SLIT3: variants seen among roughly 807,000 people sequenced by gnomAD.
SLIT3 encodes the protein slit guidance ligand 3, also known as slit homolog 3 protein.
Under a neutral mutation model 184.0 loss-of-function variants are expected in SLIT3, and 68 were observed. The observed-to-expected ratio is 0.37, with a 90% CI of 0.30 to 0.45. The LOEUF is 0.45. Ranked by LOEUF, SLIT3 falls within the 20% of genes least tolerant of loss-of-function variation. The pLI, the probability that SLIT3 is intolerant of heterozygous loss-of-function variation, is 1.00. For missense variants in SLIT3, 1,707 were observed against 2,026.0 expected, an observed-to-expected ratio of 0.84 and a Z score of 3.02; for synonymous variants, 831 against 828.6, an observed-to-expected ratio of 1.00 and a Z score of -0.05.
At chr5:169,169,155 C>T (rs146891858) in intron 4 of SLIT3, among the ~76,000 whole-genome samples, 68 of 152,310 alleles carry the variant, frequency 4.5e-4, no homozygotes, top group Admixed American at 1.2e-3. Context: ...AGCATGAGTT[C>T]CATGGGAGTG....
At chr5:169,224,198 C>T (rs779927432) in intron 3 of SLIT3, among the ~76,000 whole-genome samples, 4 of 151,734 alleles carry the variant, frequency 2.6e-5, no homozygotes, top group Non-Finnish European at 2.9e-5. Context: ...CATAGAGTAA[C>T]GGTAAGAATT....
intron 4 of SLIT3, among the ~76,000 whole-genome samples, chr5:169,060,046 C>T (rs1390268610): frequency 1.3e-5 from 2 of 152,248 alleles, no homozygotes; most frequent in East Asian, 1.9e-4. Flanking sequence ...TGGCCCTCCC[C>T]AGAACCTGAC....
intron 14 of SLIT3, among the ~76,000 whole-genome samples, chr5:168,764,880 C>T (rs1755285337): frequency 6.6e-6 from 1 of 152,196 alleles, no homozygotes; most frequent in Admixed American, 6.5e-5. Flanking sequence ...CTTTTGGTAA[C>T]TCTGACCTGC....
chr5:169,147,920 C>T (rs2113360886), intron 4 of SLIT3, among the ~76,000 whole-genome samples: 1 of 152,334 alleles, frequency 6.6e-6, no homozygotes, highest in African/African-American at 2.4e-5. Flanking sequence ...TTCTCTCTGC[C>T]CCCTCCTTGG....
chr5:168,748,528 G>A (rs1167996994), intron 19 of SLIT3, 94 bp from the exon 20 acceptor site: 3 of 1,235,354 alleles, frequency 2.4e-6, no homozygotes, highest in Non-Finnish European at 3.2e-6. Context: ...ACAAAGACAA[G>A]TTGTCCCCTG....
intron 3 of SLIT3, among the ~76,000 whole-genome samples, chr5:169,231,485 G>A (rs570971131): frequency 9.2e-5 from 14 of 152,120 alleles, no homozygotes; most frequent in African/African-American, 2.7e-4. Flanking sequence ...TCCGGTTTTT[G>A]TCCCCGATTA....
intron 3 of SLIT3, among the ~76,000 whole-genome samples, chr5:169,232,921 C>T (rs1356102621): frequency 1.3e-5 from 2 of 152,208 alleles, no homozygotes; most frequent in Admixed American, 1.3e-4. Flanking sequence ...ATGCAGCACT[C>T]CATATATTTG....
chr5:169,155,691 G>C (rs1022695112), intron 4 of SLIT3, among the ~76,000 whole-genome samples: 1 of 152,228 alleles, frequency 6.6e-6, no homozygotes, highest in Non-Finnish European at 1.5e-5. Flanking sequence ...TTTGAAGTAA[G>C]AGTTTGCAGG....
intron 8 of SLIT3, among the ~76,000 whole-genome samples, chr5:168,807,584 A>G (rs1039863455): frequency 9.2e-5 from 14 of 152,152 alleles, no homozygotes; most frequent in Admixed American, 3.3e-4. Context: ...AACAGGGGTT[A>G]TTTCAATGTC....
chr5:169,149,875 T>C (rs6866129), intron 4 of SLIT3, among the ~76,000 whole-genome samples: 32,330 of 152,162 alleles, frequency 0.21, 3,538 homozygotes, highest in South Asian at 0.32. Context: ...GATGAGACCC[T>C]CTACTTTTGT....
chr5:168,688,859 A>G (rs898401), intron 29 of SLIT3, among the ~76,000 whole-genome samples: 48,354 of 152,080 alleles, frequency 0.32, 8,591 homozygotes, highest in African/African-American at 0.47. Flanking sequence ...TAGTTGCAGA[A>G]CAACTTAAGC....
At chr5:169,143,444 G>A (rs1253079786) in intron 4 of SLIT3, among the ~76,000 whole-genome samples, 10 of 152,300 alleles carry the variant, frequency 6.6e-5, no homozygotes, top group Non-Finnish European at 1.2e-4. Flanking sequence ...CACCAAAGTC[G>A]ATGCCCTAAC....
At chr5:169,191,882 C>A (rs985452460) in intron 4 of SLIT3, among the ~76,000 whole-genome samples, 1 of 152,210 alleles carries the variant, frequency 6.6e-6, no homozygotes, top group Non-Finnish European at 1.5e-5. Context: ...TCAGACCCCA[C>A]CCACATAAAG....
chr5:169,094,319 C>A (rs1183572635), intron 4 of SLIT3, among the ~76,000 whole-genome samples: 2 of 152,162 alleles, frequency 1.3e-5, no homozygotes, highest in African/African-American at 4.8e-5. Flanking sequence ...GAATTCCAAC[C>A]CAAATTGTTT....
chr5:168,680,949 A>G (rs929619282), intron 32 of SLIT3, among the ~76,000 whole-genome samples: 2 of 152,188 alleles, frequency 1.3e-5, no homozygotes, highest in African/African-American at 4.8e-5. Context: ...CCAGGAGTTC[A>G]AGACCAGCCT....
Position 168,710,936 on chromosome 5 carries a change from C to T in SLIT3, c.2678G>A (p.Arg893Lys). Residue 893 changes from arginine (R) to lysine (K), a missense_variant, in exon 25 of 36, where the codon AGG (arginine) becomes AAG (lysine). This residue lies in a region of SLIT3 where 1,307 missense variants were observed against 1,511.6 expected (regional missense o/e 0.86). Coordinates refer to ENST00000519560, the MANE Select transcript of SLIT3 (RefSeq NM_003062.4). ...GTGGGTTGGGGTGGTGAGCAGGAGC[C>T]TGTCAGCCATGGGCTCAGGGCTACT... The part of the protein sequence containing the change: ...RCSSPEPMAD[R>K]LLLTTPTHRF... 1.3e-6 allele frequency: 2 copies of T among 1,563,452 alleles called. No homozygotes were observed. Among genetic ancestry groups the T allele is most frequent in the Admixed American group, 1.9e-5 (1 of 51,618 alleles).
At chr5:169,120,824 G>A (rs906162626) in intron 4 of SLIT3, among the ~76,000 whole-genome samples, 1 of 151,984 alleles carries the variant, frequency 6.6e-6, no homozygotes, top group East Asian at 1.9e-4. Flanking sequence ...GCAATCACTG[G>A]CCCACCACCC....
At chr5:168,761,577 C>A (rs1022704321) in intron 15 of SLIT3, among the ~76,000 whole-genome samples, 1 of 152,042 alleles carries the variant, frequency 6.6e-6, no homozygotes, top group Non-Finnish European at 1.5e-5. Flanking sequence ...TAATTATCTC[C>A]CCCATTTGAC....
intron 4 of SLIT3, among the ~76,000 whole-genome samples, chr5:169,033,846 C>A (rs1424306318): frequency 3.6e-5 from 5 of 139,770 alleles, no homozygotes; most frequent in East Asian, 4.4e-4. Context: ...TGGAGTCTCA[C>A]TCTGTCACCA....
Sources: allele counts gnomAD v4.1 joint callset (sites outside exome capture counted in the v4.1 genomes callset), GRCh38; gene constraint gnomAD v4.1.1; regional missense constraint gnomAD v4.1.1; transcripts MANE v1.5; gene names NCBI Gene and HGNC (gene_info 2026-07-23, HGNC 2026-07-21).